The following TRMT11 variants were observed in gnomAD, a reference collection of about 807,000 sequenced individuals.
TRMT11 encodes tRNA (guanine(10)-N(2))-methyltransferase TRMT11.
TRMT11 carries 53 observed loss-of-function variants against 62.8 expected under a neutral mutation model. The ratio of observed to expected loss-of-function variants is 0.84; its 90% CI spans 0.68 to 1.06. The LOEUF is 1.06. TRMT11 is among the 50% of genes least tolerant of loss of function. TRMT11 has a pLI of 0.00. For missense variants in TRMT11, 556 were observed against 553.4 expected, an observed-to-expected ratio of 1.00 and a Z score of -0.05; for synonymous variants, 188 against 190.3, an observed-to-expected ratio of 0.99 and a Z score of 0.10.
the TRMT11 span, among the ~76,000 whole-genome samples, chr6:126,247,707 A>T: frequency 6.6e-6 from 1 of 151,508 alleles, no homozygotes; most frequent in African/African-American, 2.4e-5. Context: ...TCTCTTAGAA[A>T]TTGGGATAAA....
the TRMT11 span, among the ~76,000 whole-genome samples, chr6:126,255,381 C>A: frequency 6.6e-6 from 1 of 152,258 alleles, no homozygotes; most frequent in African/African-American, 2.4e-5. Flanking sequence ...ATCTCAGAGA[C>A]CATCTGGCAG....
chr6:126,006,323 C>CA (rs1285679502), intron 7 of TRMT11, among the ~76,000 whole-genome samples: 1 of 151,824 alleles, frequency 6.6e-6, no homozygotes, highest in African/African-American at 2.4e-5. Context: ...AACCAAAGCC[C>CA]AGTCTCTCAT....
At chr6:126,044,702 G>A (rs373932403) in intron 16 of TRMT11, among the ~76,000 whole-genome samples, 64 of 152,294 alleles carry the variant, frequency 4.2e-4, no homozygotes, top group African/African-American at 1.5e-3. Context: ...TTAAGTCTGT[G>A]TACAACCTTG....
intron 3 of TRMT11, 95 bp from the exon 4 acceptor site, chr6:125,997,958 G>A: frequency 1.2e-6 from 1 of 857,608 alleles, no homozygotes. Context: ...GCAATAATCA[G>A]TGGAGTGTGC....
At chr6:126,089,152 C>T (rs1414504762) in intron 17 of TRMT11, among the ~76,000 whole-genome samples, 4 of 150,284 alleles carry the variant, frequency 2.7e-5, no homozygotes, top group Admixed American at 6.6e-5. Context: ...CTTGCTCTGT[C>T]ACCCAGGCTG....
chr6:126,227,909 C>T, the TRMT11 span, among the ~76,000 whole-genome samples: 4 of 152,142 alleles, frequency 2.6e-5, no homozygotes, highest in East Asian at 7.7e-4. Context: ...GTAGTGTGTC[C>T]TGTTGTAAAG....
At chr6:126,164,989 A>G (rs972717144) in intron 21 of TRMT11, among the ~76,000 whole-genome samples, 6 of 152,088 alleles carry the variant, frequency 3.9e-5, no homozygotes, top group African/African-American at 1.2e-4. Flanking sequence ...TGTAAATTTA[A>G]TATCGTTGGC....
rs539538897 is a variant in TRMT11 at position 126,049,074 on chromosome 6, A to G, written c.*1370-4049A>G. The stretch of plus-strand genomic sequence containing the variant: ...AGACTTTCCATACTTCCTGCCATCC[A>G]CAGGCATCTGGAATCTATGAGCTTT... On this transcript the variant is annotated intron_variant and NMD_transcript_variant, in intron 16 of 22. Transcript: ENST00000648977. Among the ~76,000 whole-genome samples the G allele has an allele frequency of 5.3e-5, 8 of 152,306 alleles. No individual in the cohort carries two copies. In the South Asian group the frequency reaches 8.3e-4, roughly 16 times the overall value.
intron 21 of TRMT11, among the ~76,000 whole-genome samples, chr6:126,169,402 G>A (rs1167056747): frequency 2.0e-5 from 3 of 152,150 alleles, no homozygotes; most frequent in East Asian, 1.9e-4. Flanking sequence ...CTAGAGCCAC[G>A]ATCTAAATGT....
intron 17 of TRMT11, among the ~76,000 whole-genome samples, chr6:126,093,976 G>C (rs1198513636): frequency 1.3e-5 from 2 of 152,002 alleles, no homozygotes; most frequent in Non-Finnish European, 2.9e-5. Context: ...AGTGGCAAGG[G>C]AACTGAATGC....
intron 21 of TRMT11, among the ~76,000 whole-genome samples, chr6:126,124,419 G>T (rs1290856474): frequency 6.6e-6 from 1 of 152,012 alleles, no homozygotes; most frequent in East Asian, 1.9e-4. Context: ...GTCATAGATT[G>T]CAATAACAGC....
the TRMT11 span, among the ~76,000 whole-genome samples, chr6:126,211,624 T>A: frequency 6.6e-6 from 1 of 151,242 alleles, no homozygotes; most frequent in South Asian, 2.1e-4. Context: ...TCTTTATATT[T>A]TTTATATTAT....
At chr6:126,177,886 T>G (rs991321726) in intron 1 of TRMT11, among the ~76,000 whole-genome samples, 2 of 152,126 alleles carry the variant, frequency 1.3e-5, no homozygotes, top group African/African-American at 4.8e-5. Flanking sequence ...ATCAGTTTCA[T>G]TTTTTTCAAA....
intron 16 of TRMT11, among the ~76,000 whole-genome samples, chr6:126,050,938 C>G (rs180813079): frequency 6.6e-6 from 1 of 152,240 alleles, no homozygotes; most frequent in African/African-American, 2.4e-5. Context: ...AAGCTTGGAA[C>G]CTTCAGTAGT....
intron 16 of TRMT11, among the ~76,000 whole-genome samples, chr6:126,045,435 G>A (rs2128098882): frequency 6.6e-6 from 1 of 152,230 alleles, no homozygotes; most frequent in East Asian, 1.9e-4. Flanking sequence ...AGGATTCATA[G>A]GAAGTCCTTA....
upstream of TRMT11, among the ~76,000 whole-genome samples, chr6:126,173,824 A>C (rs754749875): frequency 3.9e-5 from 6 of 152,176 alleles, no homozygotes; most frequent in Non-Finnish European, 8.8e-5. Flanking sequence ...TTGATGGTGC[A>C]TCTGGTTCCT....
downstream of TRMT11, among the ~76,000 whole-genome samples, chr6:126,041,367 GA>G (rs1411083088): frequency 6.6e-6 from 1 of 151,996 alleles, no homozygotes; most frequent in African/African-American, 2.4e-5. Context: ...AAGAAGCAGG[GA>G]TTTGACTTTT....
intron 17 of TRMT11, among the ~76,000 whole-genome samples, chr6:126,077,808 A>G (rs1446284913): frequency 1.3e-5 from 2 of 152,218 alleles, no homozygotes; most frequent in Non-Finnish European, 2.9e-5. Flanking sequence ...TGTTACTAGT[A>G]AAAATCAGTA....
chr6:126,109,030 AT>A (rs1777497102), intron 17 of TRMT11, among the ~76,000 whole-genome samples: 1 of 152,130 alleles, frequency 6.6e-6, no homozygotes, highest in Admixed American at 6.6e-5. Context: ...GTTTTACCAC[AT>A]TTATTTTTAT....
Sources: allele counts gnomAD v4.1 joint callset (sites outside exome capture counted in the v4.1 genomes callset), GRCh38; gene constraint gnomAD v4.1.1; transcripts MANE v1.5; gene names NCBI Gene and HGNC (gene_info 2026-07-23, HGNC 2026-07-21).